Variants in FSTL4 observed in about 807,000 individuals in gnomAD.
FSTL4 encodes the protein follistatin-related protein 4.
A neutral mutation model predicts 78.2 loss-of-function variants in FSTL4; 28 were observed. That is an observed-to-expected ratio of 0.36 (90% CI 0.27 to 0.49). The LOEUF is 0.49. Among genes scored for constraint, FSTL4 ranks in the 20% least tolerant of loss-of-function variants. The probability of loss-of-function intolerance (pLI) is 0.98; values close to 1 mark genes in which losing one functional copy is unlikely to be tolerated. For missense variants in FSTL4, 922 were observed against 1,084.9 expected (o/e 0.85, Z 2.11); for synonymous variants, 422 against 440.5 (o/e 0.96, Z 0.53).
intron 2 of FSTL4, among the ~76,000 whole-genome samples, chr5:133,594,310 C>A (rs1760697130): frequency 6.6e-6 from 1 of 152,236 alleles, no homozygotes; most frequent in South Asian, 2.1e-4. Flanking sequence ...CCTGCCTCAG[C>A]CTCCCAAGTA....
intron 6 of FSTL4, among the ~76,000 whole-genome samples, chr5:133,264,917 G>C (rs1752610022): frequency 6.6e-6 from 1 of 152,200 alleles, no homozygotes; most frequent in Non-Finnish European, 1.5e-5. Context: ...GGCAGAGGCT[G>C]CCAGCTGGCT....
At chr5:133,474,487 T>C (rs775259071) in intron 3 of FSTL4, among the ~76,000 whole-genome samples, 1 of 152,162 alleles carries the variant, frequency 6.6e-6, no homozygotes, top group Non-Finnish European at 1.5e-5. Flanking sequence ...AATGCCAGGA[T>C]TTGCTCATTT....
chr5:133,567,696 G>A (rs1760057700), intron 2 of FSTL4, among the ~76,000 whole-genome samples: 1 of 152,230 alleles, frequency 6.6e-6, no homozygotes, highest in South Asian at 2.1e-4. Flanking sequence ...CCTGATAATA[G>A]ATTAAACACA....
the FSTL4 span, among the ~76,000 whole-genome samples, chr5:133,745,504 C>T: frequency 1.3e-5 from 2 of 152,152 alleles, 1 homozygote; most frequent in South Asian, 4.1e-4. Context: ...GTTCTTTTAG[C>T]CAGAGACCCA....
intron 3 of FSTL4, among the ~76,000 whole-genome samples, chr5:133,418,033 G>C (rs1339723337): frequency 6.9e-6 from 1 of 144,754 alleles, no homozygotes; most frequent in East Asian, 2.0e-4. Context: ...AGTAGACAGT[G>C]AACTAACTTT....
chr5:133,285,085 A>G (rs184514827), intron 6 of FSTL4, among the ~76,000 whole-genome samples: 53 of 152,306 alleles, frequency 3.5e-4, no homozygotes, highest in Admixed American at 7.8e-4. Flanking sequence ...TGGTCAAAAC[A>G]TGGCATTGAG....
chr5:133,258,634 G>A (rs1390056739), intron 6 of FSTL4, among the ~76,000 whole-genome samples: 2 of 152,192 alleles, frequency 1.3e-5, no homozygotes, highest in Admixed American at 6.5e-5. Context: ...GTCTTTGGAG[G>A]TCATGCATTT....
the FSTL4 span, among the ~76,000 whole-genome samples, chr5:133,704,808 C>T: frequency 6.6e-6 from 1 of 151,736 alleles, no homozygotes; most frequent in African/African-American, 2.4e-5. Flanking sequence ...CTGCTATTTT[C>T]AGGCATGGTG....
chr5:133,816,928 T>C, the FSTL4 span, among the ~76,000 whole-genome samples: 3 of 152,082 alleles, frequency 2.0e-5, no homozygotes, highest in South Asian at 6.2e-4. Context: ...GGCAGGGAGA[T>C]CAGGGGTGTA....
At chr5:133,554,529 G>A (rs2046764680) in intron 3 of FSTL4, among the ~76,000 whole-genome samples, 2 of 152,184 alleles carry the variant, frequency 1.3e-5, no homozygotes, top group African/African-American at 4.8e-5. Context: ...GTGGACAGAC[G>A]GGTCAGCTCT....
the FSTL4 span, among the ~76,000 whole-genome samples, chr5:133,814,459 A>T: frequency 3.3e-5 from 5 of 152,140 alleles, no homozygotes; most frequent in Non-Finnish European, 7.4e-5. Flanking sequence ...CACAGCAGAG[A>T]GTGACACCAC....
chr5:133,320,353 A>C (rs1467852225), intron 4 of FSTL4, among the ~76,000 whole-genome samples: 1 of 152,200 alleles, frequency 6.6e-6, no homozygotes, highest in African/African-American at 2.4e-5. Context: ...GGGGTCAGAT[A>C]GGAGTGACTT....
At chr5:133,231,785 C>T (rs1751501140) in intron 8 of FSTL4, among the ~76,000 whole-genome samples, 1 of 152,178 alleles carries the variant, frequency 6.6e-6, no homozygotes, top group African/African-American at 2.4e-5. Context: ...TCAAGCGATC[C>T]AGCCTCAACC....
chr5:133,215,714 A>G (rs1750884880), intron 13 of FSTL4, among the ~76,000 whole-genome samples: 1 of 151,838 alleles, frequency 6.6e-6, no homozygotes, highest in African/African-American at 2.4e-5. Context: ...TGAAACCAGC[A>G]CTCCTTCTAG....
At chr5:133,257,238 A>C (rs1398067517) in intron 6 of FSTL4, among the ~76,000 whole-genome samples, 1 of 152,194 alleles carries the variant, frequency 6.6e-6, no homozygotes, top group African/African-American at 2.4e-5. Flanking sequence ...TTAGCAGAGA[A>C]GACAAGTGTT....
At chr5:133,721,359 C>T in the FSTL4 span, among the ~76,000 whole-genome samples, 1 of 152,150 alleles carries the variant, frequency 6.6e-6, no homozygotes, top group Non-Finnish European at 1.5e-5. Context: ...TACACATTTA[C>T]CTCTACCAGT....
intron 1 of FSTL4, among the ~76,000 whole-genome samples, chr5:133,609,327 A>G (rs960660308): frequency 2.0e-5 from 3 of 152,188 alleles, no homozygotes; most frequent in Admixed American, 6.5e-5. Context: ...TTGGCAATCA[A>G]CATATAAAAA....
the FSTL4 span, among the ~76,000 whole-genome samples, chr5:133,801,083 C>T: frequency 7.2e-5 from 11 of 152,100 alleles, no homozygotes; most frequent in South Asian, 8.3e-4. Context: ...TTCACCTGGT[C>T]GGGTTTCTCC....
chr5:133,206,674 C>G (rs1264943258), intron 14 of FSTL4, among the ~76,000 whole-genome samples: 1 of 152,102 alleles, frequency 6.6e-6, no homozygotes, highest in Non-Finnish European at 1.5e-5. Flanking sequence ...TTTTTCAAGT[C>G]TTTTCATCCT....
Sources: gnomAD v4.1 joint callset for allele counts (sites outside exome capture counted in the v4.1 genomes callset) on GRCh38, gnomAD v4.1.1 for gene constraint, MANE v1.5 for transcripts, NCBI Gene and HGNC (gene_info 2026-07-23, HGNC 2026-07-21) for gene names.